EFR3B: variants seen among roughly 807,000 people sequenced by gnomAD.
EFR3B encodes the protein protein EFR3 homolog B.
A neutral mutation model predicts 104.7 loss-of-function variants in EFR3B; 64 were observed. That is an observed-to-expected ratio of 0.61 (90% CI 0.50 to 0.75). EFR3B has a LOEUF of 0.75. Ranked by LOEUF, EFR3B falls within the 30% of genes least tolerant of loss-of-function variation. The pLI, the probability that EFR3B is intolerant of heterozygous loss-of-function variation, is 0.00. For synonymous variants in EFR3B, 385 were observed against 417.9 expected (o/e 0.92, Z 0.96); for missense variants, 750 against 1,078.5 (o/e 0.70, Z 4.27).
At chr2:25,116,669 G>A (rs1669868672) in intron 4 of EFR3B, among the ~76,000 whole-genome samples, 2 of 151,440 alleles carry the variant, frequency 1.3e-5, no homozygotes, top group Admixed American at 1.3e-4. Context: ...TAATATGTCA[G>A]GGAAGAGGAG....
At chr2:25,058,566 C>T (rs772820262) in intron 1 of EFR3B, among the ~76,000 whole-genome samples, 34 of 152,092 alleles carry the variant, frequency 2.2e-4, no homozygotes, top group Non-Finnish European at 4.6e-4. Context: ...TGAGAACAGC[C>T]TGGCCAACAT....
At chr2:25,058,850 A>G (rs1311063074) in intron 1 of EFR3B, among the ~76,000 whole-genome samples, 1 of 149,886 alleles carries the variant, frequency 6.7e-6, no homozygotes, top group Non-Finnish European at 1.5e-5. Context: ...AGCTAGTGGG[A>G]AAAAATGGTG....
intron 1 of EFR3B, among the ~76,000 whole-genome samples, chr2:25,078,727 A>G (rs1668702723): frequency 6.6e-6 from 1 of 152,194 alleles, no homozygotes; most frequent in Non-Finnish European, 1.5e-5. Context: ...AGATTATATA[A>G]GGTAATACAG....
chr2:25,128,306 T>C lies in EFR3B; in HGVS notation c.609T>C (p.Asn203=). The change falls in exon 6 of 23, where the codon AAT becomes AAC. Residue 203 remains asparagine (N), a synonymous_variant. Transcript: ENST00000403714. ...MDKIVPSLLF[N]LQHVEEAESR... ...AGATCGTTCCATCACTGCTTTTCAA[T>C]CTACAGCATGTAGAGGAGGCAGAGA... The C allele has an allele frequency of 6.4e-7, 1 of 1,551,854 alleles. No homozygotes were observed. The highest frequency in any genetic ancestry group is 8.7e-7 in the Non-Finnish European group (1 of 1,147,042).
chr2:25,073,199 C>A (rs60520192), intron 1 of EFR3B, among the ~76,000 whole-genome samples: 5 of 152,100 alleles, frequency 3.3e-5, no homozygotes, highest in Admixed American at 2.6e-4. Context: ...AGCACACACT[C>A]GGTGTTTTGC....
At chr2:25,106,385 G>T (rs542449903) in intron 4 of EFR3B, among the ~76,000 whole-genome samples, 1 of 151,986 alleles carries the variant, frequency 6.6e-6, no homozygotes. Flanking sequence ...CGCCTCCGAG[G>T]TTCAAGTGAT....
chr2:25,128,687 G>A (rs1558613265), intron 6 of EFR3B, among the ~76,000 whole-genome samples: 1 of 152,160 alleles, frequency 6.6e-6, no homozygotes. Context: ...GGCCGGGCGC[G>A]GTGGCTCACG....
chr2:25,155,775 T>C lies in EFR3B; in HGVS notation c.*1435T>C, dbSNP rs948621792. 6.6e-6 allele frequency: 1 copy of C among 152,118 alleles called. No individual in the cohort carries two copies. Among genetic ancestry groups the C allele is most frequent in the African/African-American group, 2.4e-5 (1 of 41,406 alleles). 9.4% of individuals were successfully genotyped at this position (152,118 alleles called of 1,614,324 possible). On this transcript the variant is annotated 3_prime_UTR_variant, in exon 23 of 23. Transcript: ENST00000403714. ...AACATAACCTACAGTAAGATGTGAGTGTCAGACGTTCTCTCCCTGGAGTCT... is the reference window on the plus strand; with the variant it reads ...AACATAACCTACAGTAAGATGTGAGCGTCAGACGTTCTCTCCCTGGAGTCT...
intron 1 of EFR3B, among the ~76,000 whole-genome samples, chr2:25,071,420 C>T (rs1668493857): frequency 1.3e-5 from 2 of 151,944 alleles, no homozygotes; most frequent in African/African-American, 4.8e-5. Context: ...GCCACCACAC[C>T]TGGCTATTTT....
chr2:25,059,585 G>T lies in EFR3B; in HGVS notation c.7+17266G>T, dbSNP rs1254344731. Among the ~76,000 whole-genome samples, 12 of 123,908 alleles carry T rather than the reference G, an allele frequency of 9.7e-5. 1 individual carries two copies. Among genetic ancestry groups the T allele is most frequent in the Admixed American group, 5.8e-4 (7 of 11,982 alleles). The allele number at this position is 123,908 out of a possible 152,430, so 81.3% of individuals were successfully genotyped here. A position where few individuals can be genotyped will look rare whatever the true frequency, so the allele number is the denominator to read the frequency against. The stretch of plus-strand genomic sequence containing the variant: ...TACCAGGGACTGCGGGGGGGGGGGG[G>T]GTGGAGATTGGGGAATTGTTGTTAC... On this transcript the variant is annotated intron_variant, in intron 1 of 22. Transcript: ENST00000403714.
chr2:25,153,797 C>T (rs376878803), intron 22 of EFR3B, 36 bp downstream of exon 22: 29 of 1,547,898 alleles, frequency 1.9e-5, no homozygotes, highest in South Asian at 4.8e-5. Flanking sequence ...CCCTGACCTC[C>T]GTGGCCCAGT....
intron 1 of EFR3B, among the ~76,000 whole-genome samples, chr2:25,071,470 A>T (rs2149174720): frequency 6.6e-6 from 1 of 151,618 alleles, no homozygotes; most frequent in East Asian, 1.9e-4. Context: ...TATGTTGGCC[A>T]GGCCGGTCTT....
chr2:25,062,110 C>T (rs1668215212), intron 1 of EFR3B, among the ~76,000 whole-genome samples: 1 of 152,086 alleles, frequency 6.6e-6, no homozygotes, highest in Non-Finnish European at 1.5e-5. Context: ...TTCCCTATAA[C>T]TTAATGCTCA....
rs141008768 is a variant in EFR3B, at chr2:25,135,914, G to T, written c.1484+275G>T. Among the ~76,000 whole-genome samples the T allele has an allele frequency of 1.9e-4, 29 of 152,290 alleles. No individual in the cohort carries two copies. In the East Asian group the frequency reaches 5.2e-3, roughly 27 times the overall value. ...TGAAGATTTGGAAGATAGAGAGTAGGCATTAAAGGGAGTTGCAAGTGTGAG... is the reference window on the plus strand; with the variant it reads ...TGAAGATTTGGAAGATAGAGAGTAGTCATTAAAGGGAGTTGCAAGTGTGAG... On this transcript the variant is annotated intron_variant, in intron 13 of 22. Transcript: ENST00000403714.
intron 19 of EFR3B, 67 bp downstream of exon 19, chr2:25,145,118 TC>T (rs1233580453): frequency 1.4e-6 from 2 of 1,418,614 alleles, no homozygotes; most frequent in Non-Finnish European, 9.7e-7. Flanking sequence ...GACTCCAGGC[TC>T]CCCTGCCTGC....
chr2:25,043,210 A>C (rs1000322774), intron 1 of EFR3B, among the ~76,000 whole-genome samples: 3 of 152,106 alleles, frequency 2.0e-5, no homozygotes, highest in Non-Finnish European at 4.4e-5. Context: ...GGTAGACATA[A>C]GTCCATGAAA....
chr2:25,103,621 G>A lies in EFR3B; in HGVS notation c.213-16G>A. Reference sequence around the variant, plus strand: ...GCAGGGGCGCGGCCAGTGACGGCATGTGCTGCCCTCCCCAGGTACGTGTGC... The same window carrying A: ...GCAGGGGCGCGGCCAGTGACGGCATATGCTGCCCTCCCCAGGTACGTGTGC... On this transcript the variant is annotated splice_polypyrimidine_tract_variant and intron_variant, in intron 3 of 22. Transcript: ENST00000403714. 1 of 1,544,166 alleles carries A rather than the reference G, an allele frequency of 6.5e-7. No homozygotes were observed. Among genetic ancestry groups the A allele is most frequent in the Non-Finnish European group, 8.8e-7 (1 of 1,141,524 alleles).
At chr2:25,083,250 C>T (rs369420502) in intron 1 of EFR3B, among the ~76,000 whole-genome samples, 6 of 152,104 alleles carry the variant, frequency 3.9e-5, no homozygotes, top group South Asian at 2.1e-4. Flanking sequence ...CTGCCAGACA[C>T]GATCCCTAGA....
Position 25,137,799 on chromosome 2 carries a change from G to C in EFR3B, c.1722+297G>C, listed in dbSNP as rs1670559837. On this transcript the variant is annotated intron_variant, in intron 15 of 22. Transcript: ENST00000403714. This position sits in a 1 kb window ranked among gnomAD's most constrained non-coding sequence, Gnocchi z 4.7. The stretch of plus-strand genomic sequence containing the variant: ...ACATGTCAAGTCTCTCGCAGAGTCT[G>C]AGTGAGACTCCAGGGATTCTTAAAA... Among the ~76,000 whole-genome samples the C allele has an allele frequency of 1.3e-5, 2 of 152,180 alleles. No individual in the cohort carries two copies. The highest frequency in any genetic ancestry group is 6.5e-5 in the Admixed American group (1 of 15,282).
Sources: allele counts gnomAD v4.1 joint callset (sites outside exome capture counted in the v4.1 genomes callset), GRCh38; gene constraint gnomAD v4.1.1; non-coding constraint Gnocchi (gnomAD v3.1); transcripts MANE v1.5; gene names NCBI Gene and HGNC (gene_info 2026-07-23, HGNC 2026-07-21).